FNTB: variants seen among roughly 807,000 people sequenced by gnomAD.
The protein encoded by FNTB is farnesyltransferase, CAAX box, subunit beta.
A neutral mutation model predicts 59.4 loss-of-function variants in FNTB; 27 were observed. The ratio of observed to expected loss-of-function variants is 0.45; its 90% CI spans 0.34 to 0.63. The LOEUF is 0.63. Ranked by LOEUF, FNTB falls within the 20% of genes least tolerant of loss-of-function variation. FNTB has a pLI of 0.02. For synonymous variants in FNTB, 230 were observed against 220.7 expected (o/e 1.04, Z -0.37); for missense variants, 449 against 559.6 (o/e 0.80, Z 1.99).
chr14:65,034,136 C>T (rs986826342), intron 7 of FNTB, among the ~76,000 whole-genome samples: 1 of 152,144 alleles, frequency 6.6e-6, no homozygotes, highest in African/African-American at 2.4e-5. Context: ...TAAACATAGT[C>T]AAACCCTTCA....
At position 65,012,376 on chromosome 14, in the gene FNTB, C is replaced by T; in HGVS notation, c.269C>T (p.Thr90Ile). 6.2e-7 allele frequency: 1 copy of T among 1,614,138 alleles called. No individual in the cohort carries two copies. Among genetic ancestry groups the T allele is most frequent in the Non-Finnish European group, 8.5e-7 (1 of 1,179,976 alleles). Residue 90 changes from threonine to isoleucine, a missense_variant, in exon 3 of 12, where the codon ACA becomes ATA. Thr to Ile is a moderately conservative substitution (Grantham distance 89). This residue lies in a region of FNTB where 337 missense variants were observed against 479.1 expected (regional missense o/e 0.70). Coordinates refer to ENST00000246166, the MANE Select transcript of FNTB (RefSeq NM_002028.4). This position sits in a 1 kb window ranked among gnomAD's most constrained non-coding sequence, Gnocchi z 5.0. ...HYLKRGLRQL[T>I]DAYECLDASR... Reference sequence around the variant, plus strand: ...CTGAAAAGAGGCCTTCGACAACTGACAGATGCCTATGAGGTAAACACATTA... The same window carrying T: ...CTGAAAAGAGGCCTTCGACAACTGATAGATGCCTATGAGGTAAACACATTA...
intron 11 of FNTB, among the ~76,000 whole-genome samples, chr14:65,060,870 CAAAAAAA>C (rs58241887): frequency 0.069 from 5,524 of 79,550 alleles, 320 homozygotes; most frequent in African/African-American, 0.19. Context: ...AAGACTCTCT[CAAAAAAA>C]AAAAAAAAAA....
At chr14:65,019,031 G>A (rs2061835212) in intron 4 of FNTB, among the ~76,000 whole-genome samples, 1 of 152,122 alleles carries the variant, frequency 6.6e-6, no homozygotes, top group African/African-American at 2.4e-5. Flanking sequence ...TGAGACAAGA[G>A]TCTCCTTCTG....
chr14:65,006,542 A>G (rs1365568677), intron 2 of FNTB, among the ~76,000 whole-genome samples: 1 of 152,110 alleles, frequency 6.6e-6, no homozygotes, highest in East Asian at 1.9e-4. Flanking sequence ...GCCTCCCCAG[A>G]GGGGACAAGA....
intron 2 of FNTB, 46 bp downstream of exon 2, chr14:65,004,359 A>G: frequency 6.3e-7 from 1 of 1,580,172 alleles, no homozygotes; most frequent in Non-Finnish European, 8.6e-7. Context: ...GAACACCACC[A>G]TGCAGCAGCC....
chr14:65,060,176 A>G (rs2062830125), intron 11 of FNTB, among the ~76,000 whole-genome samples: 1 of 152,068 alleles, frequency 6.6e-6, no homozygotes, highest in Admixed American at 6.6e-5. Context: ...TTATTGTTTT[A>G]ATAATTGGGA....
At chr14:64,987,534 T>A (rs979179555) in intron 1 of FNTB, 1 of 180,566 alleles carries the variant, frequency 5.5e-6, no homozygotes, top group Non-Finnish European at 1.2e-5. Flanking sequence ...CGTTTCACGA[T>A]CTGTTTAATT....
chr14:65,003,863 T>G (rs2061544349), intron 1 of FNTB: 1 of 154,114 alleles, frequency 6.5e-6, no homozygotes, highest in Non-Finnish European at 1.4e-5. Flanking sequence ...GTTTCTCCTG[T>G]AGCTGCAGTT....
At position 65,011,848 on chromosome 14, in the gene FNTB, G is replaced by C. The variant is rs1470766903; in HGVS notation, c.210-469G>C. Among the ~76,000 whole-genome samples, 1 of 152,222 alleles carries C rather than the reference G, an allele frequency of 6.6e-6. No individual in the cohort carries two copies. The highest frequency in any genetic ancestry group is 1.9e-4 in the East Asian group (1 of 5,206). On this transcript the variant is annotated intron_variant, in intron 2 of 11. Coordinates refer to ENST00000246166, the MANE Select transcript of FNTB (RefSeq NM_002028.4). This position sits in a 1 kb window ranked among gnomAD's most constrained non-coding sequence, Gnocchi z 4.0. ...GTTGGATAACCGAGAGGCAGGCAGG[G>C]AGTAAATTATGGGCCTTGGAGAAGT...
At chr14:65,038,643 A>T (rs1344195296) in intron 7 of FNTB, among the ~76,000 whole-genome samples, 1 of 152,144 alleles carries the variant, frequency 6.6e-6, no homozygotes, top group East Asian at 1.9e-4. Flanking sequence ...ACTTGAACCC[A>T]GGAGGCGGAG....
intron 9 of FNTB, among the ~76,000 whole-genome samples, chr14:65,050,529 T>A (rs113050716): frequency 6.6e-6 from 1 of 152,120 alleles, no homozygotes; most frequent in African/African-American, 2.4e-5. Flanking sequence ...AGGCAGAGGT[T>A]GCAGTGAGCT....
chr14:64,987,264 CG>C, intron 1 of FNTB, 167 bp downstream of exon 1: 1 of 777,734 alleles, frequency 1.3e-6, no homozygotes, highest in South Asian at 1.8e-5. Flanking sequence ...TGGGCTTCGT[CG>C]TGGAGCGTTT....
At chr14:65,015,291 CAG>C (rs1282519210) in intron 3 of FNTB, among the ~76,000 whole-genome samples, 6 of 151,796 alleles carry the variant, frequency 4.0e-5, no homozygotes, top group Admixed American at 3.3e-4. Context: ...TTAATAGAGA[CAG>C]GGTTTCGCCA....
intron 2 of FNTB, among the ~76,000 whole-genome samples, chr14:65,010,206 C>A (rs1011334946): frequency 2.0e-5 from 3 of 152,212 alleles, no homozygotes; most frequent in African/African-American, 7.2e-5. Context: ...TTGCTCTTCC[C>A]TAGCATATGT....
rs963850318 is a variant in FNTB at position 65,054,203 on chromosome 14, CT to C, written c.1068-370del. 3.9e-5 allele frequency among the ~76,000 whole-genome samples: 6 copies of C among 152,244 alleles called. No individual in the cohort carries two copies. Among genetic ancestry groups the C allele is most frequent in the South Asian group, 2.1e-4 (1 of 4,828 alleles). ...TCATGACTCACTGCAGCCTTCACCT[CT>C]TGGGCTCGAGTGATCCTCCTGCTTC... On this transcript the variant is annotated intron_variant, in intron 10 of 11. Coordinates refer to ENST00000246166, the MANE Select transcript of FNTB (RefSeq NM_002028.4). This position sits in a 1 kb window ranked among gnomAD's most constrained non-coding sequence, Gnocchi z 4.4.
chr14:65,054,761 A>C lies in FNTB; in HGVS notation c.1182+72A>C. 6.7e-7 allele frequency: 1 copy of C among 1,487,418 alleles called. No individual in the cohort carries two copies. The highest frequency in any genetic ancestry group is 9.2e-7 in the Non-Finnish European group (1 of 1,091,610). The allele number at this position is 1,487,418 out of a possible 1,614,324, so 92.1% of individuals were successfully genotyped here. A position where few individuals can be genotyped will look rare whatever the true frequency, so the allele number is the denominator to read the frequency against. ...CGGACAGAAGGCTTTCCAAGTAAGCAGAACTGGCTCTGCATTTCCTGTGTG... is the reference window on the plus strand; with the variant it reads ...CGGACAGAAGGCTTTCCAAGTAAGCCGAACTGGCTCTGCATTTCCTGTGTG... On this transcript the variant is annotated intron_variant, in intron 11 of 11. Coordinates refer to ENST00000246166, the MANE Select transcript of FNTB (RefSeq NM_002028.4). The surrounding 1 kb of genome is among the most constrained non-coding windows in gnomAD (Gnocchi z 4.4).
rs547085244 is a variant in FNTB, at chr14:65,023,525, T to C, written c.375-3928T>C. Among the ~76,000 whole-genome samples the C allele has an allele frequency of 1.1e-3, 169 of 152,352 alleles. No individual in the cohort carries two copies. Among genetic ancestry groups the C allele is most frequent in the Middle Eastern group, 3.4e-3 (1 of 294 alleles). ...TAAAAGTGGTGGTGTCCAGCAGAAC[T>C]TTCTGTGATAATGAAAATGTTCTAT... On this transcript the variant is annotated intron_variant, in intron 4 of 11. Transcript: ENST00000246166. The surrounding 1 kb of genome is among the most constrained non-coding windows in gnomAD (Gnocchi z 4.1).
At chr14:65,050,930 A>T (rs575547658) in intron 9 of FNTB, among the ~76,000 whole-genome samples, 25 of 152,384 alleles carry the variant, frequency 1.6e-4, no homozygotes, top group African/African-American at 5.8e-4. Context: ...GGAACTGGAA[A>T]CAACCTTGGA....
Position 65,001,440 on chromosome 14 carries a change from A to C in FNTB, c.145-2809A>C, listed in dbSNP as rs992918105. ...ATGCGTGTGGTAGGCTATACCACCC[A>C]GGTTGGTGTGAGTATACTCTGATGT... On this transcript the variant is annotated intron_variant, in intron 1 of 11. Transcript: ENST00000246166. This position sits in a 1 kb window ranked among gnomAD's most constrained non-coding sequence, Gnocchi z 5.5. Among the ~76,000 whole-genome samples, 7 of 152,184 alleles carry C rather than the reference A, an allele frequency of 4.6e-5. No individual in the cohort carries two copies. The highest frequency in any genetic ancestry group is 1.7e-4 in the African/African-American group (7 of 41,436).
Sources: gnomAD v4.1 joint callset for allele counts (sites outside exome capture counted in the v4.1 genomes callset) on GRCh38, gnomAD v4.1.1 for gene constraint, gnomAD v4.1.1 regional missense constraint, Gnocchi (gnomAD v3.1) non-coding constraint, MANE v1.5 for transcripts, NCBI Gene and HGNC (gene_info 2026-07-23, HGNC 2026-07-21) for gene names.